Variants in FGGY observed in about 807,000 individuals in gnomAD.
FGGY encodes the protein FGGY carbohydrate kinase domain containing, also known as FGGY carbohydrate kinase domain-containing protein.
In FGGY, 72 loss-of-function variants were observed where a neutral mutation model predicts 71.3. The ratio of observed to expected loss-of-function variants is 1.01; its 90% confidence interval spans 0.84 to 1.23. The LOEUF (loss-of-function observed/expected upper bound fraction) is 1.23, where lower values mean the gene tolerates loss of function less well. Among genes scored for constraint, FGGY ranks in the 50% most tolerant of loss-of-function variants. The probability of loss-of-function intolerance (pLI) is 0.00; values close to 1 mark genes in which losing one functional copy is unlikely to be tolerated. For missense variants in FGGY, 668 were observed against 682.3 expected (o/e 0.98, Z 0.23); for synonymous variants, 251 against 250.3 (o/e 1.00, Z -0.02).
intron 13 of FGGY, among the ~76,000 whole-genome samples, chr1:59,669,828 A>C (rs912880058): frequency 6.6e-6 from 1 of 152,182 alleles, no homozygotes; most frequent in African/African-American, 2.4e-5. Flanking sequence ...GCTAGCTGTG[A>C]GTGACCCCGG....
chr1:59,417,989 A>G (rs1446584116), intron 5 of FGGY, among the ~76,000 whole-genome samples: 1 of 152,184 alleles, frequency 6.6e-6, no homozygotes, highest in Non-Finnish European at 1.5e-5. Context: ...GTTGGACAGC[A>G]CTGGCTTAGA....
chr1:59,577,942 C>T (rs1301949133), intron 8 of FGGY, among the ~76,000 whole-genome samples: 1 of 152,062 alleles, frequency 6.6e-6, no homozygotes, highest in Non-Finnish European at 1.5e-5. Context: ...CAGAATGTTA[C>T]CATAGGGCTC....
chr1:59,530,275 A>G (rs899938403), intron 7 of FGGY, among the ~76,000 whole-genome samples: 2 of 152,242 alleles, frequency 1.3e-5, no homozygotes, highest in African/African-American at 4.8e-5. Context: ...CTGCTAACTT[A>G]GAATTATAGA....
rs575263938 is a variant in FGGY, at chr1:59,433,413, A to G, written c.555-23548A>G. Reference sequence around the variant, plus strand: ...ATTGTTCAGGCTGCTGGATCTCTCAAAGATGATGATGTATTTTCCAGGCCT... The same window carrying G: ...ATTGTTCAGGCTGCTGGATCTCTCAGAGATGATGATGTATTTTCCAGGCCT... On this transcript the variant is annotated intron_variant, in intron 5 of 15. Coordinates refer to ENST00000303721, the MANE Select transcript of FGGY (RefSeq NM_018291.5). Among the ~76,000 whole-genome samples, 6 of 152,218 alleles carry G rather than the reference A, an allele frequency of 3.9e-5. No individual in the cohort carries two copies. The East Asian group carries it at 1.2e-3, about 29-fold the overall frequency.
chr1:59,739,203 T>A (rs1233897928), intron 14 of FGGY, among the ~76,000 whole-genome samples: 1 of 152,232 alleles, frequency 6.6e-6, no homozygotes. Context: ...ATGCATGAGT[T>A]TATATATTGG....
At position 59,369,418 on chromosome 1, in the gene FGGY, C is replaced by T. The variant is rs560983097; in HGVS notation, c.466-9331C>T. On this transcript the variant is annotated intron_variant, in intron 4 of 15. Coordinates refer to ENST00000303721, the MANE Select transcript of FGGY (RefSeq NM_018291.5). ...TAAACAGAGCAGCCTGGAAGCTCAA[C>T]TGGGTGGAGCCCACCACAGCTCAAG... Among the ~76,000 whole-genome samples the T allele has an allele frequency of 2.2e-3, 332 of 152,338 alleles. 1 individual carries two copies. The highest frequency in any genetic ancestry group is 6.8e-3 in the South Asian group (33 of 4,832).
chr1:59,351,637 G>A lies in FGGY; in HGVS notation c.465+5239G>A, dbSNP rs374805345. Among the ~76,000 whole-genome samples, 19 of 152,292 alleles carry A rather than the reference G, an allele frequency of 1.2e-4. No individual in the cohort carries two copies. The South Asian group carries it at 3.9e-3, about 32-fold the overall frequency. The stretch of plus-strand genomic sequence containing the variant: ...TACATATTTTCTGAATAATTTGAAT[G>A]ACTCAATAACTCAATAAGGGGCTGT... On this transcript the variant is annotated intron_variant, in intron 4 of 15. Transcript: ENST00000303721.
chr1:59,609,057 T>G (rs1473146933), intron 9 of FGGY, among the ~76,000 whole-genome samples: 1 of 152,082 alleles, frequency 6.6e-6, no homozygotes, highest in African/African-American at 2.4e-5. Context: ...AAGGCATTGG[T>G]GCTGAGCCTT....
chr1:59,743,651 C>T (rs988954978), intron 14 of FGGY, among the ~76,000 whole-genome samples: 1 of 150,964 alleles, frequency 6.6e-6, no homozygotes, highest in African/African-American at 2.4e-5. Context: ...AATATGGTAA[C>T]CAGAAGGAAG....
At position 59,749,902 on chromosome 1, in the gene FGGY, T is replaced by G. The variant is rs998702092; in HGVS notation, c.1513-8029T>G. Among the ~76,000 whole-genome samples the G allele has an allele frequency of 2.6e-5, 4 of 152,350 alleles. No homozygotes were observed. The East Asian group carries it at 5.8e-4, about 22-fold the overall frequency. ...AGTTTCAAATTCTGGCAGTCTGTTA[T>G]AGTCAGTCTGTATTTTAATCACTGC... On this transcript the variant is annotated intron_variant, in intron 14 of 15. Coordinates refer to ENST00000303721, the MANE Select transcript of FGGY (RefSeq NM_018291.5).
At chr1:59,320,052 TAAG>T (rs2046119988) in intron 1 of FGGY, among the ~76,000 whole-genome samples, 1 of 152,200 alleles carries the variant, frequency 6.6e-6, no homozygotes, top group Admixed American at 6.5e-5. Context: ...AAGGGGAATG[TAAG>T]CAAGGGAGAG....
At chr1:59,519,840 T>C (rs1209882541) in intron 7 of FGGY, among the ~76,000 whole-genome samples, 1 of 152,262 alleles carries the variant, frequency 6.6e-6, no homozygotes, top group Non-Finnish European at 1.5e-5. Context: ...ACATAACTAA[T>C]CTCATAGCAA....
At chr1:59,611,205 G>C (rs903074454) in intron 9 of FGGY, among the ~76,000 whole-genome samples, 3 of 152,230 alleles carry the variant, frequency 2.0e-5, no homozygotes, top group Non-Finnish European at 4.4e-5. Flanking sequence ...AGAATGGACA[G>C]ACTGCCTCCT....
chr1:59,677,588 G>C (rs187476744), intron 14 of FGGY, among the ~76,000 whole-genome samples: 2 of 152,142 alleles, frequency 1.3e-5, no homozygotes, highest in East Asian at 3.9e-4. Flanking sequence ...ATTTTCAGCC[G>C]GGGGTAGAGT....
chr1:59,447,443 A>G lies in FGGY; in HGVS notation c.555-9518A>G, dbSNP rs111797164. ...CCTGCAAAAAAGCAGATACTGAATC[A>G]GTCTCTTTTTGTCAAGATACTCTAC... On this transcript the variant is annotated intron_variant, in intron 5 of 15. Transcript: ENST00000303721. Among the ~76,000 whole-genome samples, 159 of 152,278 alleles carry G rather than the reference A, an allele frequency of 1.0e-3. 1 individual carries two copies. In the East Asian group the frequency reaches 0.018, roughly 18 times the overall value.
chr1:59,616,195 T>C (rs1005753729), intron 9 of FGGY, among the ~76,000 whole-genome samples: 2 of 152,236 alleles, frequency 1.3e-5, no homozygotes, highest in Non-Finnish European at 2.9e-5. Flanking sequence ...CGTATGTTTA[T>C]TGTGGCACTA....
intron 10 of FGGY, 21 bp downstream of exon 10, chr1:59,626,070 C>T: frequency 1.9e-6 from 3 of 1,608,570 alleles, no homozygotes; most frequent in Non-Finnish European, 2.5e-6. Context: ...TCTCTGTTCC[C>T]TCTAAAATTT....
chr1:59,354,754 A>G (rs115641071), intron 4 of FGGY, among the ~76,000 whole-genome samples: 97 of 152,352 alleles, frequency 6.4e-4, no homozygotes, highest in African/African-American at 2.3e-3. Context: ...GGGAACTTAG[A>G]GTCTAGTGTA....
At chr1:59,396,424 T>C (rs1478378502) in intron 5 of FGGY, among the ~76,000 whole-genome samples, 1 of 152,138 alleles carries the variant, frequency 6.6e-6, no homozygotes, top group Non-Finnish European at 1.5e-5. Context: ...TGATAGCTTT[T>C]AGGATCAGGA....
Sources: allele counts gnomAD v4.1 joint callset (sites outside exome capture counted in the v4.1 genomes callset), GRCh38; gene constraint gnomAD v4.1.1; transcripts MANE v1.5; gene names NCBI Gene and HGNC (gene_info 2026-07-23, HGNC 2026-07-21).